The following ALK variants were observed in gnomAD, a reference collection of about 807,000 sequenced individuals.
ALK encodes ALK receptor tyrosine kinase, also known as ALK tyrosine kinase receptor.
Under a neutral mutation model 163.1 loss-of-function variants are expected in ALK, and 74 were observed. The observed-to-expected ratio is 0.45, with a 90% CI of 0.38 to 0.55. The LOEUF (loss-of-function observed/expected upper bound fraction) is 0.55. ALK is among the 20% of genes least tolerant of loss of function. The probability of loss-of-function intolerance (pLI) is 0.00; values close to 1 mark genes in which losing one functional copy is unlikely to be tolerated. For synonymous variants in ALK, 960 were observed against 843.2 expected, an observed-to-expected ratio of 1.14 and a Z score of -2.40; for missense variants, 2,063 against 2,105.3, an observed-to-expected ratio of 0.98 and a Z score of 0.39.
intron 12 of ALK, among the ~76,000 whole-genome samples, chr2:29,249,384 T>C (rs1664761475): frequency 6.6e-6 from 1 of 152,172 alleles, no homozygotes; most frequent in African/African-American, 2.4e-5. Context: ...CCAATATCCC[T>C]TCAGGAGGCT....
intron 4 of ALK, among the ~76,000 whole-genome samples, chr2:29,457,677 C>A (rs11685167): frequency 0.071 from 10,751 of 152,186 alleles, 531 homozygotes; most frequent in Non-Finnish European, 0.11. Flanking sequence ...AAACCTGTCA[C>A]ATCTACATAT....
intron 3 of ALK, among the ~76,000 whole-genome samples, chr2:29,543,567 C>A (rs1673471635): frequency 1.3e-5 from 2 of 152,218 alleles, no homozygotes; most frequent in African/African-American, 4.8e-5. Flanking sequence ...CATCCTGCTA[C>A]CCTCTGCTTT....
intron 3 of ALK, among the ~76,000 whole-genome samples, chr2:29,687,943 T>C (rs1018649082): frequency 6.6e-6 from 1 of 152,202 alleles, no homozygotes; most frequent in Non-Finnish European, 1.5e-5. Context: ...AGCACCAAGA[T>C]AGTTTTTTAG....
chr2:29,227,393 A>C lies in ALK; in HGVS notation c.2914+181T>G, dbSNP rs1573132305. On this transcript the variant is annotated intron_variant, in intron 17 of 28. Coordinates refer to ENST00000389048, the MANE Select transcript of ALK (RefSeq NM_004304.5). The surrounding 1 kb of genome is among the most constrained non-coding windows in gnomAD (Gnocchi z 4.4). ...TTCCTAGGATTCTGCCTCTGCATTCATATTAAAGCACACATCCTGACTTCT... is the reference window on the plus strand; with the variant it reads ...TTCCTAGGATTCTGCCTCTGCATTCCTATTAAAGCACACATCCTGACTTCT... Among the ~76,000 whole-genome samples the C allele has an allele frequency of 6.6e-6, 1 of 152,232 alleles. No individual in the cohort carries two copies. The highest frequency in any genetic ancestry group is 1.9e-4 in the East Asian group (1 of 5,168).
intron 1 of ALK, among the ~76,000 whole-genome samples, chr2:29,810,336 C>T (rs892476272): frequency 2.7e-5 from 4 of 150,620 alleles, no homozygotes; most frequent in East Asian, 1.9e-4. Context: ...GCAGGAGAAT[C>T]GCTTGAACCC....
intron 23 of ALK, among the ~76,000 whole-genome samples, chr2:29,215,329 C>G (rs1166740712): frequency 6.6e-6 from 1 of 152,118 alleles, no homozygotes; most frequent in Non-Finnish European, 1.5e-5. Context: ...CAGGGCCTCC[C>G]CAGGACTCCC....
At chr2:29,666,514 C>T (rs575277212) in intron 3 of ALK, among the ~76,000 whole-genome samples, 1 of 152,152 alleles carries the variant, frequency 6.6e-6, no homozygotes, top group South Asian at 2.1e-4. Flanking sequence ...CAGTGTCTCC[C>T]AAACAGGAGA....
At chr2:29,388,921 T>C (rs768196149) in intron 4 of ALK, among the ~76,000 whole-genome samples, 32 of 152,204 alleles carry the variant, frequency 2.1e-4, no homozygotes, top group Non-Finnish European at 3.4e-4. Flanking sequence ...CAAGATGTAT[T>C]AGGATTTGAC....
intron 1 of ALK, among the ~76,000 whole-genome samples, chr2:29,885,891 T>C (rs1666973297): frequency 6.6e-6 from 1 of 152,162 alleles, no homozygotes; most frequent in African/African-American, 2.4e-5. Flanking sequence ...TTTAGAGAAA[T>C]GAGAAAGCAA....
chr2:29,625,196 T>A (rs1676157102), intron 3 of ALK, among the ~76,000 whole-genome samples: 1 of 152,174 alleles, frequency 6.6e-6, no homozygotes, highest in South Asian at 2.1e-4. Flanking sequence ...TATTTCATCC[T>A]CACCAACAAT....
chr2:29,354,797 C>G (rs1405419199), intron 5 of ALK, among the ~76,000 whole-genome samples: 2 of 146,724 alleles, frequency 1.4e-5, no homozygotes, highest in Non-Finnish European at 3.0e-5. Flanking sequence ...GATGGAGTCT[C>G]GCTCTGTCAC....
At chr2:29,267,904 G>A (rs1157941168) in intron 11 of ALK, among the ~76,000 whole-genome samples, 3 of 152,202 alleles carry the variant, frequency 2.0e-5, no homozygotes, top group East Asian at 1.9e-4. Flanking sequence ...TTGCCCTGAT[G>A]GAGGGGCCTT....
At chr2:29,492,979 C>T (rs1420443855) in intron 4 of ALK, among the ~76,000 whole-genome samples, 3 of 152,190 alleles carry the variant, frequency 2.0e-5, no homozygotes, top group African/African-American at 2.4e-5. Flanking sequence ...ATCTCGTTTT[C>T]TCTTCTGATA....
chr2:29,451,281 C>T (rs1042390912), intron 4 of ALK, among the ~76,000 whole-genome samples: 1 of 152,176 alleles, frequency 6.6e-6, no homozygotes, highest in Non-Finnish European at 1.5e-5. Flanking sequence ...AGCCATCATC[C>T]ACTTCATATG....
In ALK at chr2:29,649,054, G is replaced by A. The variant is rs950228412; in HGVS notation, c.952+45796C>T. Reference sequence around the variant, plus strand: ...CTCTGATTCCCCATCATTTGTATACGATCTATATTTTTTCCTTTGCAAGAC... The same window carrying A: ...CTCTGATTCCCCATCATTTGTATACAATCTATATTTTTTCCTTTGCAAGAC... On this transcript the variant is annotated intron_variant, in intron 3 of 28. Coordinates refer to ENST00000389048, the MANE Select transcript of ALK (RefSeq NM_004304.5). 3.9e-5 allele frequency among the ~76,000 whole-genome samples: 6 copies of A among 151,948 alleles called. No individual in the cohort carries two copies. The East Asian group carries it at 9.7e-4, about 24-fold the overall frequency.
intron 1 of ALK, among the ~76,000 whole-genome samples, chr2:29,850,469 G>A (rs1293748574): frequency 6.6e-6 from 1 of 152,182 alleles, no homozygotes; most frequent in Non-Finnish European, 1.5e-5. Context: ...TCTATAAAAA[G>A]GTTTAAAAAC....
chr2:29,652,448 AAT>A (rs1677062752), intron 3 of ALK, among the ~76,000 whole-genome samples: 1 of 152,184 alleles, frequency 6.6e-6, no homozygotes, highest in South Asian at 2.1e-4. Flanking sequence ...GATATTGTGA[AAT>A]ATGTTTCATT....
intron 5 of ALK, among the ~76,000 whole-genome samples, chr2:29,344,938 G>A (rs1667901676): frequency 6.6e-6 from 1 of 152,204 alleles, no homozygotes; most frequent in Admixed American, 6.5e-5. Flanking sequence ...TGACTTGTCT[G>A]TGTGACTTTA....
chr2:29,690,624 G>A (rs537054795), intron 3 of ALK, among the ~76,000 whole-genome samples: 1 of 152,246 alleles, frequency 6.6e-6, no homozygotes, highest in East Asian at 1.9e-4. Context: ...GGTTCTTCAA[G>A]ATTTTAGTAA....
Sources: gnomAD v4.1 joint callset for allele counts (sites outside exome capture counted in the v4.1 genomes callset) on GRCh38, gnomAD v4.1.1 for gene constraint, Gnocchi (gnomAD v3.1) non-coding constraint, MANE v1.5 for transcripts, NCBI Gene and HGNC (gene_info 2026-07-23, HGNC 2026-07-21) for gene names.